Variants in FSTL4 observed in about 807,000 individuals in gnomAD.
The protein encoded by FSTL4 is follistatin like 4, also known as follistatin-related protein 4.
In FSTL4, 28 loss-of-function variants were observed where a neutral mutation model predicts 78.2. That is an observed-to-expected ratio of 0.36 (90% confidence interval 0.27 to 0.49). The LOEUF is 0.49. FSTL4 is among the 20% of genes least tolerant of loss of function. The pLI, the probability that FSTL4 is intolerant of heterozygous loss-of-function variation, is 0.98. For missense variants in FSTL4, 922 were observed against 1,084.9 expected, an observed-to-expected ratio of 0.85 and a Z score of 2.11; for synonymous variants, 422 against 440.5, an observed-to-expected ratio of 0.96 and a Z score of 0.53.
chr5:133,740,362 C>G, the FSTL4 span, among the ~76,000 whole-genome samples: 4 of 152,254 alleles, frequency 2.6e-5, no homozygotes, highest in South Asian at 6.2e-4. Flanking sequence ...ATAAAGCAAT[C>G]CAGGCCCATT....
intron 3 of FSTL4, among the ~76,000 whole-genome samples, chr5:133,447,034 T>G (rs1226656642): frequency 6.6e-6 from 1 of 152,188 alleles, no homozygotes; most frequent in South Asian, 2.1e-4. Context: ...CCCAGGAGAC[T>G]GTTCACGGTG....
chr5:133,544,547 C>G (rs968382971), intron 3 of FSTL4, among the ~76,000 whole-genome samples: 1 of 152,136 alleles, frequency 6.6e-6, no homozygotes, highest in Non-Finnish European at 1.5e-5. Context: ...AGAAAACACA[C>G]GAGATGAGCA....
intron 3 of FSTL4, among the ~76,000 whole-genome samples, chr5:133,469,268 C>T (rs766940193): frequency 1.3e-5 from 2 of 152,126 alleles, no homozygotes; most frequent in Non-Finnish European, 2.9e-5. Flanking sequence ...GACCCAATGC[C>T]GCCAATTCTG....
intron 6 of FSTL4, among the ~76,000 whole-genome samples, chr5:133,265,466 A>C (rs1157195565): frequency 1.3e-5 from 2 of 152,076 alleles, no homozygotes; most frequent in Non-Finnish European, 1.5e-5. Flanking sequence ...CTGCCTCTGG[A>C]GGTGACACAG....
the FSTL4 span, among the ~76,000 whole-genome samples, chr5:133,828,696 G>A: frequency 1.3e-5 from 2 of 152,160 alleles, no homozygotes; most frequent in Non-Finnish European, 2.9e-5. Context: ...TGCAAACGCT[G>A]GAGCCCCAAC....
the FSTL4 span, among the ~76,000 whole-genome samples, chr5:133,806,819 G>A: frequency 6.6e-6 from 1 of 152,184 alleles, no homozygotes; most frequent in Admixed American, 6.5e-5. Flanking sequence ...AGGACTCGGA[G>A]CAACCTGGAG....
At chr5:133,799,096 G>A in the FSTL4 span, among the ~76,000 whole-genome samples, 1 of 135,888 alleles carries the variant, frequency 7.4e-6, no homozygotes. Flanking sequence ...GGGAAGACAG[G>A]GAGAAAGAAT....
At chr5:133,474,780 G>A (rs246957) in intron 3 of FSTL4, among the ~76,000 whole-genome samples, 1 of 152,238 alleles carries the variant, frequency 6.6e-6, no homozygotes, top group Non-Finnish European at 1.5e-5. Flanking sequence ...CTCTGTCTTA[G>A]CAGCTTCCTT....
chr5:133,639,916 T>C, the FSTL4 span, among the ~76,000 whole-genome samples: 2 of 152,086 alleles, frequency 1.3e-5, no homozygotes, highest in Non-Finnish European at 2.9e-5. Context: ...GCCCACACTC[T>C]ATGAGCCAAG....
intron 7 of FSTL4, among the ~76,000 whole-genome samples, chr5:133,245,121 TAA>T (rs11315228): frequency 0.038 from 3,490 of 91,420 alleles, 137 homozygotes; most frequent in African/African-American, 0.11. Context: ...CCCTACTGCC[TAA>T]AAAAAAAAAA....
the FSTL4 span, among the ~76,000 whole-genome samples, chr5:133,734,226 G>A: frequency 6.6e-6 from 1 of 152,194 alleles, no homozygotes; most frequent in African/African-American, 2.4e-5. Context: ...ATGTAACATA[G>A]AGACTTTTGT....
chr5:133,438,008 T>C (rs1196337547), intron 3 of FSTL4, among the ~76,000 whole-genome samples: 12 of 152,236 alleles, frequency 7.9e-5, no homozygotes, highest in Admixed American at 7.9e-4. Flanking sequence ...CGTATTACTC[T>C]AATTATATAT....
chr5:133,646,638 C>T, the FSTL4 span, among the ~76,000 whole-genome samples: 1 of 152,116 alleles, frequency 6.6e-6, no homozygotes, highest in African/African-American at 2.4e-5. Flanking sequence ...CTTCAAGGTG[C>T]AGAGGAGATG....
At chr5:133,546,603 T>C (rs1425898180) in intron 3 of FSTL4, among the ~76,000 whole-genome samples, 1 of 150,746 alleles carries the variant, frequency 6.6e-6, no homozygotes, top group Non-Finnish European at 1.5e-5. Context: ...GAGATTAGTA[T>C]AGACAGAAGG....
At chr5:133,610,154 A>C (rs912424997) in intron 1 of FSTL4, among the ~76,000 whole-genome samples, 1 of 152,232 alleles carries the variant, frequency 6.6e-6, no homozygotes, top group Non-Finnish European at 1.5e-5. Context: ...AAAAGTCCTC[A>C]GTGACTGACT....
At chr5:133,715,746 C>T in the FSTL4 span, among the ~76,000 whole-genome samples, 1 of 152,154 alleles carries the variant, frequency 6.6e-6, no homozygotes, top group Non-Finnish European at 1.5e-5. Flanking sequence ...AGTAAATGCA[C>T]ACCCTACTTC....
chr5:133,643,452 A>T, the FSTL4 span, among the ~76,000 whole-genome samples: 1 of 151,964 alleles, frequency 6.6e-6, no homozygotes, highest in Non-Finnish European at 1.5e-5. Context: ...CTCAGACCCT[A>T]GGTCTCAGGA....
chr5:133,559,302 T>A (rs142182922), intron 3 of FSTL4, among the ~76,000 whole-genome samples: 6 of 152,338 alleles, frequency 3.9e-5, no homozygotes, highest in African/African-American at 1.4e-4. Context: ...ATGAAGAAGA[T>A]AATTTCAAGG....
At chr5:133,467,909 T>C (rs574989610) in intron 3 of FSTL4, among the ~76,000 whole-genome samples, 43 of 152,198 alleles carry the variant, frequency 2.8e-4, no homozygotes, top group Non-Finnish European at 5.7e-4. Context: ...TAATTTGTTT[T>C]CTGAAATAAC....
Sources: allele counts gnomAD v4.1 joint callset (sites outside exome capture counted in the v4.1 genomes callset), GRCh38; gene constraint gnomAD v4.1.1; transcripts MANE v1.5; gene names NCBI Gene and HGNC (gene_info 2026-07-23, HGNC 2026-07-21).